Variants in ZNF273 observed in about 807,000 individuals in gnomAD.
ZNF273 encodes the protein zinc finger protein 9.
A neutral mutation model predicts 14.9 loss-of-function variants in ZNF273; 11 were observed. The observed-to-expected ratio is 0.74, with a 90% CI of 0.46 to 1.22. The LOEUF (loss-of-function observed/expected upper bound fraction) is 1.22, where lower values mean the gene tolerates loss of function less well. ZNF273 is among the 50% of genes most tolerant of loss of function. The pLI is 0.00. For synonymous variants in ZNF273, 199 were observed against 223.9 expected (o/e 0.89, Z 0.99); for missense variants, 577 against 660.6 (o/e 0.87, Z 1.39).
At chr7:64,880,489 C>A (rs552753404), downstream of ZNF273, among the ~76,000 whole-genome samples, 4 of 151,978 alleles carry the variant, frequency 2.6e-5, 1 homozygote, top group South Asian at 6.2e-4. Context: ...GTTGGCTGCC[C>A]GCGTGTGATG....
At chr7:64,905,276 T>C (rs1793021559) in intron 1 of ZNF273, among the ~76,000 whole-genome samples, 1 of 151,786 alleles carries the variant, frequency 6.6e-6, no homozygotes, top group Non-Finnish European at 1.5e-5. Flanking sequence ...CCGACACACC[T>C]GGCTAATTTT....
At chr7:64,932,449 G>A (rs1163056441), downstream of ZNF273, among the ~76,000 whole-genome samples, 1 of 152,052 alleles carries the variant, frequency 6.6e-6, no homozygotes, top group African/African-American at 2.4e-5. Context: ...TTAGATTACA[G>A]GCATGTGCCA....
chr7:64,928,201 A>G lies in ZNF273; in HGVS notation c.873A>G (p.Lys291=), dbSNP rs1245306281. 6.2e-7 allele frequency: 1 copy of G among 1,613,478 alleles called. No homozygotes were observed. The highest frequency in any genetic ancestry group is 8.5e-7 in the Non-Finnish European group (1 of 1,179,776). ...KKIHTEEKPY[K]CEDCGKVFSV... ...TTCATACTGAAGAGAAACCTTACAAATGTGAAGATTGTGGCAAAGTCTTTA... is the reference window on the plus strand; with the variant it reads ...TTCATACTGAAGAGAAACCTTACAAGTGTGAAGATTGTGGCAAAGTCTTTA... The change falls in exon 4 of 4, where the codon AAA becomes AAG. Residue 291 remains lysine (K), a synonymous_variant. Transcript: ENST00000476120.
chr7:64,894,857 C>T (rs888974339), intron 3 of ZNF273, among the ~76,000 whole-genome samples: 4 of 151,912 alleles, frequency 2.6e-5, no homozygotes, highest in African/African-American at 4.8e-5. Flanking sequence ...GGGCCGGGCA[C>T]GGTGGCTCAT....
At chr7:64,937,312 T>C in the ZNF273 span, among the ~76,000 whole-genome samples, 1 of 152,326 alleles carries the variant, frequency 6.6e-6, no homozygotes, top group South Asian at 2.1e-4. Flanking sequence ...GAAGCAAATG[T>C]GTCTTCTCTG....
In ZNF273 at chr7:64,928,618, C is replaced by T; in HGVS notation, c.1290C>T (p.Tyr430=). 2 of 1,613,310 alleles carry T rather than the reference C, an allele frequency of 1.2e-6. No individual in the cohort carries two copies. The highest frequency in any genetic ancestry group is 1.7e-6 in the Non-Finnish European group (2 of 1,179,708). The part of the protein sequence containing the change: ...HKRIYTKEKP[Y]KCEECGKAFS... Reference sequence around the variant, plus strand: ...GAATTTATACTAAAGAGAAACCATACAAATGTGAAGAATGTGGAAAAGCCT... The same window carrying T: ...GAATTTATACTAAAGAGAAACCATATAAATGTGAAGAATGTGGAAAAGCCT... The change falls in exon 4 of 4, where the codon TAC becomes TAT. Residue 430 remains tyrosine (Y), a synonymous_variant. Transcript: ENST00000476120.
Position 64,910,575 on chromosome 7 carries a change from T to G in ZNF273, c.103-7006T>G, listed in dbSNP as rs116527421. ...GTTTTGTACCAGTACCATGCTGCTT[T>G]GGTAACTGTAGCCTGGTAGTATAGT... On this transcript the variant is annotated intron_variant, in intron 1 of 3. Transcript: ENST00000476120. 9.9e-3 allele frequency among the ~76,000 whole-genome samples: 1,497 copies of G among 151,632 alleles called. 28 individuals are homozygous for G. Among genetic ancestry groups the G allele is most frequent in the African/African-American group, 0.032 (1,342 of 41,496 alleles).
At chr7:64,915,939 T>TA (rs150072983) in intron 1 of ZNF273, among the ~76,000 whole-genome samples, 4,993 of 152,274 alleles carry the variant, frequency 0.033, 272 homozygotes, top group African/African-American at 0.11. Flanking sequence ...TTCATGCCTG[T>TA]AATCCCAGCA....
downstream of ZNF273, among the ~76,000 whole-genome samples, chr7:64,892,911 G>A (rs1354960738): frequency 1.3e-5 from 2 of 152,070 alleles, no homozygotes; most frequent in Non-Finnish European, 2.9e-5. Flanking sequence ...TCTTCTTCCT[G>A]AGCTGCATCA....
intron 1 of ZNF273, chr7:64,888,513 T>G: frequency 1.0e-6 from 1 of 985,732 alleles, no homozygotes; most frequent in Non-Finnish European, 1.2e-6. Flanking sequence ...CTATTGATGG[T>G]GAGAATTAAG....
At chr7:64,899,854 G>A (rs1792581409), upstream of ZNF273, among the ~76,000 whole-genome samples, 2 of 150,264 alleles carry the variant, frequency 1.3e-5, no homozygotes, top group Admixed American at 1.3e-4. Flanking sequence ...TCTGCCTCCC[G>A]GTTTCAAGTG....
At chr7:64,923,777 T>C (rs1794637123) in intron 3 of ZNF273, 1 of 167,952 alleles carries the variant, frequency 6.0e-6, no homozygotes, top group African/African-American at 2.4e-5. Context: ...TGACCACATA[T>C]GTGAAAGTAT....
At chr7:64,898,291 A>G (rs1792482275), upstream of ZNF273, among the ~76,000 whole-genome samples, 1 of 152,198 alleles carries the variant, frequency 6.6e-6, no homozygotes, top group African/African-American at 2.4e-5. Flanking sequence ...ACACCAATGG[A>G]AAGCAAGCCA....
At chr7:64,935,805 A>G (rs1288095067), downstream of ZNF273, among the ~76,000 whole-genome samples, 2 of 152,222 alleles carry the variant, frequency 1.3e-5, no homozygotes, top group Non-Finnish European at 2.9e-5. Flanking sequence ...TACAGGGGTG[A>G]ATGCATAAAC....
At chr7:64,922,980 AG>A (rs1300243674) in intron 3 of ZNF273, among the ~76,000 whole-genome samples, 1 of 152,016 alleles carries the variant, frequency 6.6e-6, no homozygotes, top group Non-Finnish European at 1.5e-5. Flanking sequence ...TTAAAAAAAA[AG>A]AAAAAAAGAA....
downstream of ZNF273, among the ~76,000 whole-genome samples, chr7:64,935,789 T>G (rs1351260328): frequency 6.6e-6 from 1 of 152,132 alleles, no homozygotes; most frequent in East Asian, 1.9e-4. Context: ...CCCAAAGTGT[T>G]GGGATTACAG....
At chr7:64,914,537 T>G (rs1793815774) in intron 1 of ZNF273, among the ~76,000 whole-genome samples, 1 of 152,142 alleles carries the variant, frequency 6.6e-6, no homozygotes, top group African/African-American at 2.4e-5. Context: ...ATTTCTGCCT[T>G]TGTACTAAAG....
At chr7:64,905,008 C>G (rs911884649) in intron 1 of ZNF273, among the ~76,000 whole-genome samples, 1 of 151,928 alleles carries the variant, frequency 6.6e-6, no homozygotes, top group African/African-American at 2.4e-5. Flanking sequence ...TGAATATCAG[C>G]TCCTGGGTCA....
At chr7:64,882,071 G>T (rs4718155), downstream of ZNF273, among the ~76,000 whole-genome samples, 1 of 152,076 alleles carries the variant, frequency 6.6e-6, no homozygotes, top group Non-Finnish European at 1.5e-5. Context: ...TGCTGAGAAG[G>T]GGGAGCCCCT....
Sources: gnomAD v4.1 joint callset for allele counts (sites outside exome capture counted in the v4.1 genomes callset) on GRCh38, gnomAD v4.1.1 for gene constraint, MANE v1.5 for transcripts, NCBI Gene and HGNC (gene_info 2026-07-23, HGNC 2026-07-21) for gene names.